Variants in BORA observed in about 807,000 individuals in gnomAD.
The protein encoded by BORA is BORA aurora kinase A activator, also known as protein aurora borealis.
BORA carries 26 observed loss-of-function variants against 55.8 expected under a neutral mutation model. The observed-to-expected ratio is 0.47, with a 90% CI of 0.34 to 0.65. The LOEUF (loss-of-function observed/expected upper bound fraction) is 0.65. BORA is among the 30% of genes least tolerant of loss of function. The pLI is 0.01. For missense variants in BORA, 568 were observed against 671.5 expected, an observed-to-expected ratio of 0.85 and a Z score of 1.70; for synonymous variants, 201 against 216.9, an observed-to-expected ratio of 0.93 and a Z score of 0.64.
chr13:72,755,056 A>G (rs961897614), intron 11 of BORA, 95 bp from the exon 12 acceptor site: 4 of 967,244 alleles, frequency 4.1e-6, no homozygotes, highest in Non-Finnish European at 6.6e-6. Context: ...TCAGCTAAAG[A>G]AACGTGCTTT....
intron 5 of BORA, 89 bp from the exon 6 acceptor site, chr13:72,743,448 A>G: frequency 2.3e-6 from 2 of 859,924 alleles, no homozygotes; most frequent in Non-Finnish European, 1.7e-6. Context: ...ATAAGTTTCC[A>G]CTTTCTTAAT....
At chr13:72,750,522 A>T (rs1280499384) in intron 10 of BORA, among the ~76,000 whole-genome samples, 1 of 152,152 alleles carries the variant, frequency 6.6e-6, no homozygotes, top group Non-Finnish European at 1.5e-5. Context: ...AATTTTTGCA[A>T]TCAGACCTTG....
At chr13:72,754,395 T>G (rs7139790) in intron 11 of BORA, 118,635 of 151,664 alleles carry the variant, frequency 0.78, 46,739 homozygotes, top group South Asian at 0.85. Flanking sequence ...CTACAGCCTT[T>G]AACTGCTGGG....
At chr13:72,753,268 G>A (rs938798534) in intron 10 of BORA, 1 of 154,544 alleles carries the variant, frequency 6.5e-6, no homozygotes, top group Admixed American at 6.4e-5. Flanking sequence ...TGGCATTATT[G>A]TGAACAACTA....
At chr13:72,733,812 C>T (rs2032865289) in intron 3 of BORA, among the ~76,000 whole-genome samples, 1 of 152,084 alleles carries the variant, frequency 6.6e-6, no homozygotes. Context: ...CTCATATAAG[C>T]TTTATTAAGC....
In BORA at chr13:72,755,733, A is replaced by C; in HGVS notation, c.*517A>C. 1 of 397,380 alleles carries C rather than the reference A, an allele frequency of 2.5e-6. No individual in the cohort carries two copies. Among genetic ancestry groups the C allele is most frequent in the Non-Finnish European group, 4.4e-6 (1 of 225,784 alleles). The allele number at this position is 397,380 out of a possible 1,614,324, so 24.6% of individuals were successfully genotyped here. A position where few individuals can be genotyped will look rare whatever the true frequency, so the allele number is the denominator to read the frequency against. ...TGAAATTTTAGTTCTTGGTCTGTTCACCTCTGTGGGGAAAATTCTTAGTTC... is the reference window on the plus strand; with the variant it reads ...TGAAATTTTAGTTCTTGGTCTGTTCCCCTCTGTGGGGAAAATTCTTAGTTC... On this transcript the variant is annotated 3_prime_UTR_variant, in exon 12 of 12. Coordinates refer to ENST00000390667, the MANE Select transcript of BORA (RefSeq NM_024808.5).
Position 72,731,384 on chromosome 13 carries a change from C to T in BORA, c.257C>T (p.Ser86Phe). 2 of 1,599,550 alleles carry T rather than the reference C, an allele frequency of 1.3e-6. No individual in the cohort carries two copies. Among genetic ancestry groups the T allele is most frequent in the Non-Finnish European group, 1.7e-6 (2 of 1,168,622 alleles). ...IHRQALYLSHSRIDKDVEDKR... is the reference protein window; with the variant it reads ...IHRQALYLSHFRIDKDVEDKR... ...CGTCAAGCTTTATACTTAAGTCATT[C>T]TCGGTAAGTTTTCCTTTCTTGCACC... is the stretch of plus-strand genomic sequence containing the variant. The change falls in exon 3 of 12, where the codon TCT becomes TTT. Residue 86 changes from serine (S) to phenylalanine (F), a missense_variant. Physicochemically the swap from Ser to Phe is radical, Grantham distance 155. Transcript: ENST00000390667.
intron 1 of BORA, chr13:72,728,302 C>T: frequency 3.1e-6 from 2 of 635,470 alleles, no homozygotes; most frequent in Non-Finnish European, 5.7e-6. Flanking sequence ...GTAATGCAGT[C>T]TCCCTTTCTA....
Position 72,755,409 on chromosome 13 carries a change from A to G in BORA, c.*193A>G, listed in dbSNP as rs2033431785. The G allele has an allele frequency of 1.1e-5, 6 of 529,236 alleles. No homozygotes were observed. In the South Asian group the frequency reaches 1.8e-4, roughly 15 times the overall value. The allele number at this position is 529,236 out of a possible 1,614,324, so 32.8% of individuals were successfully genotyped here. On this transcript the variant is annotated 3_prime_UTR_variant, in exon 12 of 12. Coordinates refer to ENST00000390667, the MANE Select transcript of BORA (RefSeq NM_024808.5). The stretch of plus-strand genomic sequence containing the variant: ...TGCTCCTGGAACTTCAAGTTGCTGA[A>G]TTATAAGTTTATTTTTTATCAATAA...
chr13:72,754,700 G>A (rs1162159180), intron 11 of BORA: 1 of 152,568 alleles, frequency 6.6e-6, no homozygotes, highest in East Asian at 1.9e-4. Flanking sequence ...GATAAATGAA[G>A]GATTTTTTTA....
chr13:72,728,886 C>T lies in BORA; in HGVS notation c.-15-40C>T, dbSNP rs748835659. ...ATAGTTAAAATTAATATCTATGGGA[C>T]TTTGTAATTTTAACATGCATACTCT... On this transcript the variant is annotated intron_variant, in intron 1 of 11. Coordinates refer to ENST00000390667, the MANE Select transcript of BORA (RefSeq NM_024808.5). The T allele has an allele frequency of 4.7e-6, 7 of 1,492,602 alleles. No homozygotes were observed. In the African/African-American group the frequency reaches 7.2e-5, roughly 15 times the overall value. The allele number at this position is 1,492,602 out of a possible 1,614,324, so 92.5% of individuals were successfully genotyped here. A position where few individuals can be genotyped will look rare whatever the true frequency, so the allele number is the denominator to read the frequency against.
At position 72,755,258 on chromosome 13, in the gene BORA, C is replaced by T. The variant is rs375172325; in HGVS notation, c.*42C>T. On this transcript the variant is annotated 3_prime_UTR_variant, in exon 12 of 12. Coordinates refer to ENST00000390667, the MANE Select transcript of BORA (RefSeq NM_024808.5). ...TCAAAGACTAAGCTTAAGAGTTCCTCGCATATATCGTTGTGCACAGGATCA... is the reference window on the plus strand; with the variant it reads ...TCAAAGACTAAGCTTAAGAGTTCCTTGCATATATCGTTGTGCACAGGATCA... The T allele has an allele frequency of 5.9e-4, 890 of 1,510,796 alleles. 11 individuals carry two copies. In the Middle Eastern group the frequency reaches 6.0e-3, roughly 10 times the overall value. 93.6% of individuals were successfully genotyped at this position (1,510,796 alleles called of 1,614,324 possible).
chr13:72,733,839 T>C (rs1481083605), intron 3 of BORA, among the ~76,000 whole-genome samples: 1 of 152,184 alleles, frequency 6.6e-6, no homozygotes, highest in Non-Finnish European at 1.5e-5. Flanking sequence ...CAAGTCTATA[T>C]GTGAAAAAAA....
rs2033154612 is a variant in BORA, at chr13:72,746,713, G to A, written c.1084G>A (p.Glu362Lys). The A allele has an allele frequency of 6.2e-7, 1 of 1,614,146 alleles. No homozygotes were observed. Among genetic ancestry groups the A allele is most frequent in the Non-Finnish European group, 8.5e-7 (1 of 1,180,002 alleles). Residue 362 changes from glutamate (E) to lysine (K), a missense_variant, in exon 10 of 12, where the codon GAG becomes AAG. By Grantham distance (56) the Glu-to-Lys change is moderately conservative. Coordinates refer to ENST00000390667, the MANE Select transcript of BORA (RefSeq NM_024808.5). The part of the protein sequence containing the change: ...PFTLETQGED[E>K]EDKENIPSTD... ...TACTCTTGAGACTCAAGGTGAAGAT[G>A]AGGAAGATAAAGAGAATATTCCTTC...
At chr13:72,730,728 C>T (rs1045926762) in intron 2 of BORA, among the ~76,000 whole-genome samples, 5 of 151,866 alleles carry the variant, frequency 3.3e-5, no homozygotes, top group Admixed American at 6.6e-5. Context: ...TCTCGTATTA[C>T]GTAATTCCAA....
chr13:72,755,575 CTA>C lies in BORA; in HGVS notation c.*361_*362del. ...TTAGCAGTTCTGAGAACATGTGAAA[CTA>C]TGTTAAAACTGAAGGCACTATATAT... On this transcript the variant is annotated 3_prime_UTR_variant, in exon 12 of 12. Transcript: ENST00000390667. 1.2e-5 allele frequency: 4 copies of C among 333,346 alleles called. No individual in the cohort carries two copies. In the Admixed American group the frequency reaches 1.4e-4, roughly 12 times the overall value. 20.6% of individuals were successfully genotyped at this position (333,346 alleles called of 1,614,324 possible).
chr13:72,740,927 T>C (rs568754938), intron 5 of BORA, among the ~76,000 whole-genome samples: 13 of 152,320 alleles, frequency 8.5e-5, no homozygotes, highest in Admixed American at 2.6e-4. Flanking sequence ...AAAATGATGG[T>C]TATTGTGGTA....
In BORA at chr13:72,755,829, AC is replaced by A. The variant is rs1593827593; in HGVS notation, c.*614del. 1.1e-4 allele frequency: 45 copies of A among 398,466 alleles called. No homozygotes were observed. In the East Asian group the frequency reaches 1.6e-3, roughly 14 times the overall value. The allele number at this position is 398,466 out of a possible 1,614,324, so 24.7% of individuals were successfully genotyped here. ...GAAAGGTAGTACTAGTGACATCATC[AC>A]GTGTATTGTTATCTATGGGGCAAAT... On this transcript the variant is annotated 3_prime_UTR_variant, in exon 12 of 12. Coordinates refer to ENST00000390667, the MANE Select transcript of BORA (RefSeq NM_024808.5).
chr13:72,746,534 C>G lies in BORA; in HGVS notation c.905C>G (p.Ala302Gly). Residue 302 changes from alanine (A) to glycine (G), a missense_variant, in exon 10 of 12, where the codon GCT becomes GGT. By Grantham distance (60) the Ala-to-Gly change is moderately conservative. Coordinates refer to ENST00000390667, the MANE Select transcript of BORA (RefSeq NM_024808.5). ...AAGTTTACTGTTCATTCTCCTGATG[C>G]TTCATCTGGAACAAATTCTAATGGG... The part of the protein sequence containing the change: ...QRKFTVHSPD[A>G]SSGTNSNGIT... 6.2e-7 allele frequency: 1 copy of G among 1,613,232 alleles called. No homozygotes were observed. The highest frequency in any genetic ancestry group is 8.5e-7 in the Non-Finnish European group (1 of 1,179,364).
Sources: allele counts gnomAD v4.1 joint callset (sites outside exome capture counted in the v4.1 genomes callset), GRCh38; gene constraint gnomAD v4.1.1; transcripts MANE v1.5; gene names NCBI Gene and HGNC (gene_info 2026-07-23, HGNC 2026-07-21).